COMMD10: variants seen among roughly 807,000 people sequenced by gnomAD.
COMMD10 encodes COMM domain-containing protein 10.
Under a neutral mutation model 28.9 loss-of-function variants are expected in COMMD10, and 33 were observed. That is an observed-to-expected ratio of 1.14 (90% CI 0.87 to 1.53). COMMD10 has a LOEUF of 1.53. COMMD10 is among the 40% of genes most tolerant of loss of function. COMMD10 has a pLI of 0.00. For missense variants in COMMD10, 310 were observed against 233.4 expected, an observed-to-expected ratio of 1.33 and a Z score of -2.14; for synonymous variants, 110 against 81.7, an observed-to-expected ratio of 1.35 and a Z score of -1.87.
intron 5 of COMMD10, among the ~76,000 whole-genome samples, chr5:116,144,481 T>C (rs1253568707): frequency 6.8e-6 from 1 of 147,486 alleles, no homozygotes; most frequent in Non-Finnish European, 1.5e-5. Context: ...GTGATGGTGC[T>C]ATAATTTGAA....
At chr5:116,268,156 A>G (rs1750646816) in intron 5 of COMMD10, among the ~76,000 whole-genome samples, 1 of 151,978 alleles carries the variant, frequency 6.6e-6, no homozygotes, top group Admixed American at 6.6e-5. Context: ...ATTAGAATGA[A>G]CAGGCAACCT....
intron 5 of COMMD10, among the ~76,000 whole-genome samples, chr5:116,208,691 G>A (rs539140571): frequency 0.045 from 735 of 16,340 alleles, 7 homozygotes; most frequent in Admixed American, 0.088. Context: ...ACATAGAGGT[G>A]ACCACACGTT....
At chr5:116,095,403 G>A (rs909288698) in intron 4 of COMMD10, among the ~76,000 whole-genome samples, 1 of 152,216 alleles carries the variant, frequency 6.6e-6, no homozygotes, top group African/African-American at 2.4e-5. Context: ...GCTAAGCTAA[G>A]CTGTGATGTT....
chr5:116,109,195 T>C (rs1311015898), intron 4 of COMMD10, among the ~76,000 whole-genome samples: 1 of 152,240 alleles, frequency 6.6e-6, no homozygotes, highest in Non-Finnish European at 1.5e-5. Context: ...GAGCATGGGA[T>C]GTTTTTCCAT....
intron 5 of COMMD10, among the ~76,000 whole-genome samples, chr5:116,256,967 G>C (rs927582811): frequency 1.1e-4 from 17 of 151,760 alleles, no homozygotes; most frequent in African/African-American, 4.1e-4. Context: ...TGAAAAAAAT[G>C]AGTTCAGAGT....
intron 5 of COMMD10, among the ~76,000 whole-genome samples, chr5:116,183,098 A>G (rs1340286198): frequency 6.6e-6 from 1 of 152,130 alleles, no homozygotes; most frequent in African/African-American, 2.4e-5. Context: ...GTATTTCTTC[A>G]TAGCAATGTG....
chr5:116,192,529 G>A (rs1748397624), intron 5 of COMMD10, among the ~76,000 whole-genome samples: 1 of 152,082 alleles, frequency 6.6e-6, no homozygotes, highest in Non-Finnish European at 1.5e-5. Flanking sequence ...AAATGCTCTG[G>A]AAAGTCTCAA....
At chr5:116,259,153 C>T (rs1241534204) in intron 5 of COMMD10, among the ~76,000 whole-genome samples, 1 of 149,586 alleles carries the variant, frequency 6.7e-6, no homozygotes, top group African/African-American at 2.5e-5. Context: ...ACCTCTGCTT[C>T]CTGGGTTCAA....
intron 5 of COMMD10, among the ~76,000 whole-genome samples, chr5:116,182,392 G>T (rs547564428): frequency 6.6e-6 from 1 of 152,052 alleles, no homozygotes; most frequent in South Asian, 2.1e-4. Flanking sequence ...ATTGTTTACT[G>T]AAATGGGGAA....
intron 3 of COMMD10, among the ~76,000 whole-genome samples, chr5:116,092,026 G>A (rs1222338642): frequency 6.6e-6 from 1 of 152,120 alleles, no homozygotes; most frequent in Non-Finnish European, 1.5e-5. Context: ...TCATTGAGTA[G>A]GACAGCATAG....
intron 5 of COMMD10, among the ~76,000 whole-genome samples, chr5:116,178,435 AT>A (rs1316378253): frequency 1.3e-5 from 2 of 152,138 alleles, no homozygotes; most frequent in Non-Finnish European, 2.9e-5. Context: ...ATTTGGAGTT[AT>A]TATAAAGTTA....
chr5:116,124,813 C>G lies in COMMD10; in HGVS notation c.400-9255C>G, dbSNP rs1751565708. Among the ~76,000 whole-genome samples, 3 of 152,100 alleles carry G rather than the reference C, an allele frequency of 2.0e-5. No individual in the cohort carries two copies. The South Asian group carries it at 6.2e-4, about 31-fold the overall frequency. ...TCTTCTTGTTGAATTGATCCCTTTACCATTATGCAATGGCCTTCTTTGTCT... is the reference window on the plus strand; with the variant it reads ...TCTTCTTGTTGAATTGATCCCTTTAGCATTATGCAATGGCCTTCTTTGTCT... On this transcript the variant is annotated intron_variant, in intron 4 of 6. Coordinates refer to ENST00000274458, the MANE Select transcript of COMMD10 (RefSeq NM_016144.4).
At chr5:116,146,676 T>G (rs1202510382) in intron 5 of COMMD10, among the ~76,000 whole-genome samples, 3 of 151,890 alleles carry the variant, frequency 2.0e-5, no homozygotes, top group Admixed American at 2.0e-4. Flanking sequence ...TACTTAAATA[T>G]GTCTTTAATG....
chr5:116,243,503 C>A (rs374633245), intron 5 of COMMD10, among the ~76,000 whole-genome samples: 1 of 152,040 alleles, frequency 6.6e-6, no homozygotes, highest in African/African-American at 2.4e-5. Flanking sequence ...ACTATGGAGA[C>A]TTTGGAGAAT....
At chr5:116,150,854 TCTC>T (rs1363978467) in intron 5 of COMMD10, among the ~76,000 whole-genome samples, 2 of 146,148 alleles carry the variant, frequency 1.4e-5, no homozygotes, top group African/African-American at 5.1e-5. Context: ...TTTATTTCCT[TCTC>T]CTGCCTAATT....
intron 5 of COMMD10, among the ~76,000 whole-genome samples, chr5:116,194,727 A>T (rs931375233): frequency 3.3e-5 from 5 of 152,202 alleles, no homozygotes; most frequent in African/African-American, 1.2e-4. Flanking sequence ...TTCACAGCAG[A>T]ATTCTACCAG....
At position 116,091,058 on chromosome 5, in the gene COMMD10, A is replaced by C. The variant is rs142549026; in HGVS notation, c.133-21A>C. 3.7e-4 allele frequency: 535 copies of C among 1,449,100 alleles called. 2 individuals are homozygous for C. In the African/African-American group the frequency reaches 6.7e-3, roughly 18 times the overall value. The allele number at this position is 1,449,100 out of a possible 1,614,324, so 89.8% of individuals were successfully genotyped here. A position where few individuals can be genotyped will look rare whatever the true frequency, so the allele number is the denominator to read the frequency against. On this transcript the variant is annotated intron_variant, in intron 2 of 6. Transcript: ENST00000274458. Reference sequence around the variant, plus strand: ...ATGCCTGAATATGTGCTAATATAATAGATTGCTATTTGTATTATAGGCTGA... The same window carrying C: ...ATGCCTGAATATGTGCTAATATAATCGATTGCTATTTGTATTATAGGCTGA...
intron 5 of COMMD10, among the ~76,000 whole-genome samples, chr5:116,181,749 A>G (rs1747974018): frequency 6.6e-6 from 1 of 152,114 alleles, no homozygotes; most frequent in Non-Finnish European, 1.5e-5. Flanking sequence ...TTTTAATTTA[A>G]GAAAGTTATC....
chr5:116,169,849 A>G (rs1753261473), intron 5 of COMMD10, among the ~76,000 whole-genome samples: 1 of 152,180 alleles, frequency 6.6e-6, no homozygotes, highest in South Asian at 2.1e-4. Context: ...CAAAATAATA[A>G]GAGCTATTTA....
Sources: allele counts gnomAD v4.1 joint callset (sites outside exome capture counted in the v4.1 genomes callset), GRCh38; gene constraint gnomAD v4.1.1; transcripts MANE v1.5; gene names NCBI Gene and HGNC (gene_info 2026-07-23, HGNC 2026-07-21).